CCSER1: variants seen among roughly 807,000 people sequenced by gnomAD.
The protein encoded by CCSER1 is serine-rich coiled-coil domain-containing protein 1.
A neutral mutation model predicts 82.0 loss-of-function variants in CCSER1; 41 were observed. That is an observed-to-expected ratio of 0.50 (90% CI 0.39 to 0.65). CCSER1 has a LOEUF of 0.65. Among genes scored for constraint, CCSER1 ranks in the 30% least tolerant of loss-of-function variants. The pLI is 0.00. For missense variants in CCSER1, 1,119 were observed against 1,064.2 expected, an observed-to-expected ratio of 1.05 and a Z score of -0.72; for synonymous variants, 414 against 383.9, an observed-to-expected ratio of 1.08 and a Z score of -0.92.
At chr4:91,126,486 G>GA (rs540920744) in intron 10 of CCSER1, among the ~76,000 whole-genome samples, 26 of 151,726 alleles carry the variant, frequency 1.7e-4, no homozygotes, top group Non-Finnish European at 2.4e-4. Flanking sequence ...CATTAAATTA[G>GA]AAAAAATATT....
chr4:91,482,025 C>T (rs1013757238), intron 10 of CCSER1, among the ~76,000 whole-genome samples: 20 of 152,264 alleles, frequency 1.3e-4, no homozygotes, highest in African/African-American at 4.6e-4. Context: ...AAAAAATGCT[C>T]ATCATCACTG....
intron 10 of CCSER1, among the ~76,000 whole-genome samples, chr4:91,361,460 T>C (rs558369407): frequency 6.6e-6 from 1 of 151,958 alleles, no homozygotes; most frequent in East Asian, 1.9e-4. Flanking sequence ...GATTAGAGTC[T>C]TAACTAATGT....
chr4:90,465,252 G>T (rs956907644), intron 4 of CCSER1, among the ~76,000 whole-genome samples: 5 of 151,394 alleles, frequency 3.3e-5, no homozygotes, highest in Non-Finnish European at 5.9e-5. Flanking sequence ...GTGAACCACC[G>T]CCTCTGCCTC....
chr4:90,816,756 T>C (rs568299607), intron 8 of CCSER1, among the ~76,000 whole-genome samples: 1 of 152,142 alleles, frequency 6.6e-6, no homozygotes, highest in African/African-American at 2.4e-5. Flanking sequence ...GTGTATTATG[T>C]AATTATTGAA....
At chr4:90,631,183 G>A (rs749341883) in intron 6 of CCSER1, among the ~76,000 whole-genome samples, 3 of 151,976 alleles carry the variant, frequency 2.0e-5, no homozygotes, top group Non-Finnish European at 2.9e-5. Context: ...ATGAGCCGCC[G>A]CACCTGGCCA....
intron 5 of CCSER1, among the ~76,000 whole-genome samples, chr4:90,507,638 A>T (rs1770899987): frequency 6.6e-6 from 1 of 152,060 alleles, no homozygotes; most frequent in Admixed American, 6.6e-5. Flanking sequence ...TCAGTATGGA[A>T]TATTGGAGAG....
chr4:90,716,174 T>G (rs1188746285), intron 6 of CCSER1, among the ~76,000 whole-genome samples: 1 of 151,864 alleles, frequency 6.6e-6, no homozygotes, highest in East Asian at 1.9e-4. Flanking sequence ...ATTGCTAAAA[T>G]TGGTGGCCTC....
chr4:90,365,229 C>A (rs912362541), intron 3 of CCSER1, among the ~76,000 whole-genome samples: 1 of 151,782 alleles, frequency 6.6e-6, no homozygotes, highest in Non-Finnish European at 1.5e-5. Context: ...AAATTTAAAG[C>A]ATAATACATA....
At chr4:90,469,681 C>T (rs964204675) in intron 5 of CCSER1, among the ~76,000 whole-genome samples, 2 of 151,976 alleles carry the variant, frequency 1.3e-5, no homozygotes, top group Non-Finnish European at 2.9e-5. Flanking sequence ...GTTATGTTGA[C>T]CATTCTATAG....
intron 3 of CCSER1, among the ~76,000 whole-genome samples, chr4:90,393,275 A>AC (rs1389021717): frequency 6.6e-6 from 1 of 152,220 alleles, no homozygotes; most frequent in Non-Finnish European, 1.5e-5. Flanking sequence ...GTTTAGACTG[A>AC]CACAGGGAAG....
chr4:91,035,951 T>C (rs901638094), intron 9 of CCSER1, among the ~76,000 whole-genome samples: 2 of 152,220 alleles, frequency 1.3e-5, no homozygotes, highest in Non-Finnish European at 1.5e-5. Context: ...CTTGGCTGGC[T>C]ATTCTAGTAG....
chr4:90,450,071 C>T (rs767453046), intron 4 of CCSER1, among the ~76,000 whole-genome samples: 1 of 152,162 alleles, frequency 6.6e-6, no homozygotes. Flanking sequence ...AGGGATGATG[C>T]TGCTCTTCAC....
chr4:90,826,324 T>A (rs1206365223), intron 8 of CCSER1, among the ~76,000 whole-genome samples: 1 of 152,216 alleles, frequency 6.6e-6, no homozygotes, highest in Admixed American at 6.5e-5. Flanking sequence ...TGTATGTATA[T>A]AAATAAACAT....
chr4:90,849,040 T>C (rs1763535333), intron 8 of CCSER1, among the ~76,000 whole-genome samples: 1 of 152,134 alleles, frequency 6.6e-6, no homozygotes. Context: ...TATAGCAGCG[T>C]GAGAACAGAC....
At chr4:90,765,275 CT>C (rs1233631533) in intron 7 of CCSER1, among the ~76,000 whole-genome samples, 2 of 152,124 alleles carry the variant, frequency 1.3e-5, no homozygotes, top group African/African-American at 4.8e-5. Context: ...GGGCTTTGAT[CT>C]CCTTAAAGGA....
intron 10 of CCSER1, among the ~76,000 whole-genome samples, chr4:91,586,902 A>G (rs950198804): frequency 2.0e-5 from 3 of 151,780 alleles, no homozygotes; most frequent in Non-Finnish European, 4.4e-5. Context: ...GTTTATTTGA[A>G]TCACTCATTG....
At chr4:90,548,747 T>C (rs201517974) in intron 5 of CCSER1, among the ~76,000 whole-genome samples, 27 of 143,324 alleles carry the variant, frequency 1.9e-4, no homozygotes, top group East Asian at 1.3e-3. Context: ...TATATATATA[T>C]ATACACACAC....
chr4:91,037,705 T>G (rs183236381), intron 9 of CCSER1, among the ~76,000 whole-genome samples: 99 of 152,222 alleles, frequency 6.5e-4, no homozygotes, highest in African/African-American at 2.0e-3. Flanking sequence ...GGAGAAAGAT[T>G]TGTGTGCATA....
intron 1 of CCSER1, among the ~76,000 whole-genome samples, chr4:90,152,618 G>A (rs1727071906): frequency 6.6e-6 from 1 of 152,144 alleles, no homozygotes; most frequent in East Asian, 1.9e-4. Context: ...ATGTGAACAT[G>A]TGAAGGAAGG....
Sources: gnomAD v4.1 joint callset for allele counts (sites outside exome capture counted in the v4.1 genomes callset) on GRCh38, gnomAD v4.1.1 for gene constraint, MANE v1.5 for transcripts, NCBI Gene and HGNC (gene_info 2026-07-23, HGNC 2026-07-21) for gene names.